Variants in PLCE1 observed in about 807,000 individuals in gnomAD.
PLCE1 encodes the protein phospholipase C epsilon 1.
In PLCE1, 119 loss-of-function variants were observed where a neutral mutation model predicts 242.8. The observed-to-expected ratio is 0.49, with a 90% confidence interval of 0.42 to 0.57. The LOEUF is 0.57. PLCE1 is among the 20% of genes least tolerant of loss of function. PLCE1 has a pLI of 0.00. For synonymous variants in PLCE1, 945 were observed against 1,017.4 expected, an observed-to-expected ratio of 0.93 and a Z score of 1.35; for missense variants, 2,441 against 2,788.8, an observed-to-expected ratio of 0.88 and a Z score of 2.81.
intron 22 of PLCE1, among the ~76,000 whole-genome samples, chr10:94,289,705 A>G (rs1360702736): frequency 6.6e-6 from 1 of 152,192 alleles, no homozygotes; most frequent in Non-Finnish European, 1.5e-5. Context: ...TTAAAATGGT[A>G]CATCTGTATA....
intron 2 of PLCE1, among the ~76,000 whole-genome samples, chr10:94,068,722 T>C (rs2044269460): frequency 6.6e-6 from 1 of 152,180 alleles, no homozygotes; most frequent in South Asian, 2.1e-4. Context: ...ATTTTACAGG[T>C]GAGGAAACTG....
chr10:94,176,377 G>A (rs1258465310), intron 4 of PLCE1, among the ~76,000 whole-genome samples: 1 of 152,318 alleles, frequency 6.6e-6, no homozygotes, highest in Admixed American at 6.5e-5. Flanking sequence ...TTCAGCCTGA[G>A]CAACAGAGTA....
chr10:94,246,471 C>A lies in PLCE1; in HGVS notation c.2946C>A (p.Asp982Glu), dbSNP rs1375857629. The A allele has an allele frequency of 6.2e-7, 1 of 1,614,184 alleles. No homozygotes were observed. Among genetic ancestry groups the A allele is most frequent in the Non-Finnish European group, 8.5e-7 (1 of 1,180,018 alleles). ...VTLLYGLQTT[D>E]NRLLHFVAPK... is the part of the protein sequence containing the mutation. The stretch of plus-strand genomic sequence containing the variant: ...TGCTCTATGGGCTTCAGACCACAGA[C>A]AACAGATTATTGCACTTCGTGGCAC... The change falls in exon 8 of 33, where the codon GAC (aspartate) becomes GAA (glutamate). Residue 982 changes from aspartate to glutamate, a missense_variant. Physicochemically the swap from Asp to Glu is conservative, Grantham distance 45 (BLOSUM62 2). This residue lies in a region of PLCE1 where 1,004 missense variants were observed against 1,322.7 expected (regional missense o/e 0.76). Coordinates refer to ENST00000371380, the MANE Select transcript of PLCE1 (RefSeq NM_016341.4).
At chr10:94,172,464 T>A (rs1487786465) in intron 4 of PLCE1, among the ~76,000 whole-genome samples, 1 of 152,208 alleles carries the variant, frequency 6.6e-6, no homozygotes, top group Non-Finnish European at 1.5e-5. Context: ...ACCTAAATGC[T>A]AACAGGATAT....
At chr10:94,244,739 A>G (rs1232826765) in intron 7 of PLCE1, among the ~76,000 whole-genome samples, 1 of 151,844 alleles carries the variant, frequency 6.6e-6, no homozygotes, top group Non-Finnish European at 1.5e-5. Flanking sequence ...GTCTTGCTCT[A>G]TTGCCCAGGC....
In PLCE1 at chr10:94,171,301, C is replaced by G. The variant is rs1023103811; in HGVS notation, c.1614C>G (p.Ile538Met). ...LIQFPEEVASILMEQEQTIYR... is the reference protein window; with the variant it reads ...LIQFPEEVASMLMEQEQTIYR... ...AGTTCCCAGAGGAAGTCGCCAGCAT[C>G]CTGATGGAGCAAGAGCAGACTATTT... Residue 538 changes from isoleucine to methionine, a missense_variant, in exon 4 of 33, where the codon ATC becomes ATG. This residue lies in a region of PLCE1 where 733 missense variants were observed against 754.2 expected (regional missense o/e 0.97). Coordinates refer to ENST00000371380, the MANE Select transcript of PLCE1 (RefSeq NM_016341.4). 1 of 1,614,168 alleles carries G rather than the reference C, an allele frequency of 6.2e-7. No homozygotes were observed. Among genetic ancestry groups the G allele is most frequent in the African/African-American group, 1.3e-5 (1 of 75,054 alleles).
chr10:94,231,992 C>CTATTTACA (rs1445680863), intron 5 of PLCE1, among the ~76,000 whole-genome samples: 9 of 152,170 alleles, frequency 5.9e-5, no homozygotes, highest in African/African-American at 2.2e-4. Flanking sequence ...CCATGTGATA[C>CTATTTACA]TATTTACATA....
intron 2 of PLCE1, among the ~76,000 whole-genome samples, chr10:94,122,084 C>T (rs1409480263): frequency 6.6e-6 from 1 of 152,196 alleles, no homozygotes; most frequent in Non-Finnish European, 1.5e-5. Context: ...AAGCCTGGAG[C>T]CACAGGATGT....
chr10:94,302,298 T>C (rs2053066178), intron 24 of PLCE1, among the ~76,000 whole-genome samples: 1 of 152,196 alleles, frequency 6.6e-6, no homozygotes, highest in African/African-American at 2.4e-5. Context: ...GGGGTTGGGT[T>C]GATAGGTGCA....
intron 3 of PLCE1, among the ~76,000 whole-genome samples, chr10:94,142,604 A>G (rs1311794645): frequency 1.3e-5 from 2 of 152,226 alleles, no homozygotes; most frequent in East Asian, 3.8e-4. Flanking sequence ...TCTTATGATG[A>G]TGATGGTCAT....
intron 2 of PLCE1, among the ~76,000 whole-genome samples, chr10:94,089,813 C>T (rs2044992783): frequency 6.6e-6 from 1 of 151,984 alleles, no homozygotes; most frequent in African/African-American, 2.4e-5. Context: ...TGGTTTGTTG[C>T]TTTCTTTTTT....
chr10:94,255,277 T>C (rs2051031177), intron 11 of PLCE1, among the ~76,000 whole-genome samples: 1 of 152,182 alleles, frequency 6.6e-6, no homozygotes. Context: ...ACCTAAGCCA[T>C]GATTCTCCAA....
At chr10:94,285,697 A>G (rs993801731) in intron 22 of PLCE1, among the ~76,000 whole-genome samples, 1 of 152,118 alleles carries the variant, frequency 6.6e-6, no homozygotes, top group Non-Finnish European at 1.5e-5. Context: ...TCCTTTACCA[A>G]TCACTGTGGC....
intron 7 of PLCE1, among the ~76,000 whole-genome samples, chr10:94,241,691 G>A (rs547338282): frequency 1.1e-3 from 169 of 151,796 alleles, no homozygotes; most frequent in Non-Finnish European, 2.1e-3. Flanking sequence ...TCAGGAGGCT[G>A]AGGCAGAATT....
At position 94,174,070 on chromosome 10, in the gene PLCE1, G is replaced by T. The variant is rs140382544; in HGVS notation, c.1809+2574G>T. Among the ~76,000 whole-genome samples the T allele has an allele frequency of 1.3e-3, 195 of 152,256 alleles. No individual in the cohort carries two copies. In the Middle Eastern group the frequency reaches 0.014, roughly 11 times the overall value. On this transcript the variant is annotated intron_variant, in intron 4 of 32. Transcript: ENST00000371380. ...ATACTGTAAAGAAAAGGAAGAAATG[G>T]AGTTTGCATTTATTTAATAGATGCT...
intron 1 of PLCE1, among the ~76,000 whole-genome samples, chr10:94,010,516 A>T (rs1195023650): frequency 6.6e-6 from 1 of 152,148 alleles, no homozygotes; most frequent in African/African-American, 2.4e-5. Context: ...TTTCTTCTCT[A>T]CCACATGGCC....
intron 23 of PLCE1, among the ~76,000 whole-genome samples, chr10:94,297,590 TAAAAAAAAAAAAAAAAAAAAAAA>T (rs71031568): frequency 8.8e-5 from 5 of 56,580 alleles, no homozygotes; most frequent in East Asian, 1.1e-3. Context: ...TTTAAATTTG[TAAAAAAAAAAAAAAAAAAAAAAA>T]AAAAAAAAAA....
In PLCE1 at chr10:94,189,487, A is replaced by C. The variant is rs2048593457; in HGVS notation, c.1809+17991A>C. 3.9e-5 allele frequency among the ~76,000 whole-genome samples: 6 copies of C among 152,230 alleles called. No individual in the cohort carries two copies. In the South Asian group the frequency reaches 1.2e-3, roughly 32 times the overall value. ...CTAAGGTGGATCAAATAAATGAATA[A>C]AAAGATATAGATGCCAGGAAGATGT... On this transcript the variant is annotated intron_variant, in intron 4 of 32. Transcript: ENST00000371380.
chr10:94,247,633 T>TG (rs1214613148), intron 8 of PLCE1, among the ~76,000 whole-genome samples: 1 of 152,204 alleles, frequency 6.6e-6, no homozygotes, highest in Non-Finnish European at 1.5e-5. Flanking sequence ...TTGAAAGAAA[T>TG]TTTTCCAAAT....
Sources: allele counts gnomAD v4.1 joint callset (sites outside exome capture counted in the v4.1 genomes callset), GRCh38; gene constraint gnomAD v4.1.1; regional missense constraint gnomAD v4.1.1; transcripts MANE v1.5; gene names NCBI Gene and HGNC (gene_info 2026-07-23, HGNC 2026-07-21).